The following UGT1A10 variants were observed in gnomAD, a reference collection of about 807,000 sequenced individuals.
UGT1A10 encodes UDP glucuronosyltransferase family 1 member A10, also known as UDP-glucuronosyltransferase 1A10.
UGT1A10 carries 49 observed loss-of-function variants against 45.8 expected under a neutral mutation model. The observed-to-expected ratio is 1.07, with a 90% confidence interval of 0.85 to 1.36. UGT1A10 has a LOEUF of 1.36. UGT1A10 is among the 40% of genes most tolerant of loss of function. UGT1A10 has a pLI of 0.00. For missense variants in UGT1A10, 745 were observed against 668.6 expected, an observed-to-expected ratio of 1.11 and a Z score of -1.26; for synonymous variants, 284 against 249.7, an observed-to-expected ratio of 1.14 and a Z score of -1.29.
intron 1 of UGT1A10, among the ~76,000 whole-genome samples, chr2:233,764,578 C>T (rs146266932): frequency 2.0e-4 from 31 of 152,244 alleles, no homozygotes; most frequent in African/African-American, 6.5e-4. Flanking sequence ...AACTTAGACT[C>T]GGCCTTTTCC....
At chr2:233,771,865 A>G (rs1241166548) in intron 4 of UGT1A10, among the ~76,000 whole-genome samples, 1 of 149,352 alleles carries the variant, frequency 6.7e-6, no homozygotes, top group Non-Finnish European at 1.5e-5. Context: ...GATCAATAAC[A>G]TTTATTAAGA....
At chr2:233,649,696 T>G (rs1336652126) in intron 1 of UGT1A10, among the ~76,000 whole-genome samples, 2 of 152,204 alleles carry the variant, frequency 1.3e-5, no homozygotes, top group Admixed American at 1.3e-4. Flanking sequence ...CAGGTGTTTT[T>G]CTGCTAAAGA....
chr2:233,682,186 G>A, intron 1 of UGT1A10: 1 of 1,614,196 alleles, frequency 6.2e-7, no homozygotes, highest in Non-Finnish European at 8.5e-7. Flanking sequence ...CATACACTCT[G>A]GAGGATCAGG....
At chr2:233,651,235 C>T (rs1212928005) in intron 1 of UGT1A10, among the ~76,000 whole-genome samples, 1 of 152,126 alleles carries the variant, frequency 6.6e-6, no homozygotes, top group African/African-American at 2.4e-5. Flanking sequence ...TCACCCTCTA[C>T]CCAGTTGTGG....
At chr2:233,658,883 A>G (rs897820141) in intron 1 of UGT1A10, among the ~76,000 whole-genome samples, 3 of 152,176 alleles carry the variant, frequency 2.0e-5, no homozygotes, top group African/African-American at 7.2e-5. Flanking sequence ...AATGAGTAGT[A>G]TTAGCTCTCT....
At chr2:233,744,388 A>G (rs1176772242) in intron 1 of UGT1A10, among the ~76,000 whole-genome samples, 1 of 151,864 alleles carries the variant, frequency 6.6e-6, no homozygotes, top group Non-Finnish European at 1.5e-5. Flanking sequence ...CCAACGTTCC[A>G]GCCCCGGTGC....
At chr2:233,694,868 T>C (rs2075244485) in intron 1 of UGT1A10, among the ~76,000 whole-genome samples, 3 of 152,222 alleles carry the variant, frequency 2.0e-5, no homozygotes, top group Non-Finnish European at 4.4e-5. Flanking sequence ...ATAATATAGT[T>C]GTACACATTT....
chr2:233,755,793 G>T (rs1244262397), intron 1 of UGT1A10: 1 of 152,190 alleles, frequency 6.6e-6, no homozygotes, highest in African/African-American at 2.4e-5. Flanking sequence ...CATATGTACT[G>T]CATTAGAGAT....
At position 233,688,626 on chromosome 2, in the gene UGT1A10, G is replaced by A. The variant is rs115592772; in HGVS notation, c.855+51249G>A. On this transcript the variant is annotated intron_variant, in intron 1 of 4. Coordinates refer to ENST00000344644, the MANE Select transcript of UGT1A10 (RefSeq NM_019075.4). ...TAACACCCTCAGCAAACATGAGTTC[G>A]TCTTGTTTTTGTTGGTGTTACAGAA... 5.6e-3 allele frequency among the ~76,000 whole-genome samples: 846 copies of A among 152,204 alleles called. 7 individuals carry two copies. Among genetic ancestry groups the A allele is most frequent in the African/African-American group, 0.019 (799 of 41,536 alleles).
At chr2:233,735,449 C>T (rs1176154761) in intron 1 of UGT1A10, among the ~76,000 whole-genome samples, 6 of 152,110 alleles carry the variant, frequency 3.9e-5, no homozygotes, top group Admixed American at 1.3e-4. Flanking sequence ...ACCGATGGGC[C>T]TTGACTCTTT....
chr2:233,642,766 T>C (rs891924143), intron 1 of UGT1A10, among the ~76,000 whole-genome samples: 2 of 152,246 alleles, frequency 1.3e-5, no homozygotes, highest in African/African-American at 4.8e-5. Context: ...CTTGCAGACT[T>C]GTAGATGTAT....
intron 1 of UGT1A10, chr2:233,747,395 C>CA (rs1422981033): frequency 1.9e-6 from 3 of 1,606,350 alleles, no homozygotes; most frequent in Non-Finnish European, 2.6e-6. Context: ...CGGTGGTCCT[C>CA]ACCCCAGAGG....
chr2:233,767,255 G>T, intron 2 of UGT1A10, 90 bp downstream of exon 2: 2 of 1,596,758 alleles, frequency 1.3e-6, no homozygotes, highest in East Asian at 2.2e-5. Context: ...CTCTTAATTG[G>T]AACCTTAGAT....
chr2:233,701,822 A>G (rs2075654482), intron 1 of UGT1A10, among the ~76,000 whole-genome samples: 1 of 152,190 alleles, frequency 6.6e-6, no homozygotes, highest in Admixed American at 6.5e-5. Context: ...ACATACCAGA[A>G]TCTCTGGGAC....
chr2:233,713,726 G>A (rs1243333945), intron 1 of UGT1A10: 1 of 1,613,960 alleles, frequency 6.2e-7, no homozygotes, highest in Non-Finnish European at 8.5e-7. Flanking sequence ...AGGTGTCAGT[G>A]GTGGATCTTG....
At chr2:233,681,961 C>G in intron 1 of UGT1A10, 1 of 1,613,960 alleles carries the variant, frequency 6.2e-7, no homozygotes, top group Non-Finnish European at 8.5e-7. Flanking sequence ...GGTGGACTGG[C>G]CTCCTTCCCC....
chr2:233,681,941 G>C, intron 1 of UGT1A10: 1 of 1,612,190 alleles, frequency 6.2e-7, no homozygotes, highest in Non-Finnish European at 8.5e-7. Flanking sequence ...TTCTCTGATG[G>C]CTCGTGCAGG....
chr2:233,661,471 T>C lies in UGT1A10; in HGVS notation c.855+24094T>C, dbSNP rs2073961978. On this transcript the variant is annotated intron_variant, in intron 1 of 4. Coordinates refer to ENST00000344644, the MANE Select transcript of UGT1A10 (RefSeq NM_019075.4). Reference sequence around the variant, plus strand: ...ACAGATGGAATCCTAGTTCTTTTTATCCATTAACTCTTTGAATATCCTTCT... The same window carrying C: ...ACAGATGGAATCCTAGTTCTTTTTACCCATTAACTCTTTGAATATCCTTCT... Among the ~76,000 whole-genome samples, 4 of 152,284 alleles carry C rather than the reference T, an allele frequency of 2.6e-5. No homozygotes were observed. In the South Asian group the frequency reaches 8.3e-4, roughly 32 times the overall value.
rs1699515943 is a variant in UGT1A10 at position 233,767,916 on chromosome 2, T to A, written c.1055T>A (p.Leu352Gln). The A allele has an allele frequency of 6.2e-7, 1 of 1,614,242 alleles. No homozygotes were observed. Among genetic ancestry groups the A allele is most frequent in the Non-Finnish European group, 8.5e-7 (1 of 1,180,052 alleles). The stretch of plus-strand genomic sequence containing the variant: ...AACAACACGATACTTGTTAAGTGGC[T>A]ACCCCAAAACGATCTGCTTGGTATG... ...LANNTILVKW[L>Q]PQNDLLGHPM... The change falls in exon 3 of 5, where the codon CTA becomes CAA. Residue 352 changes from leucine (L) to glutamine (Q), a missense_variant. By Grantham distance (113) the Leu-to-Gln change is moderately radical. Coordinates refer to ENST00000344644, the MANE Select transcript of UGT1A10 (RefSeq NM_019075.4).
Sources: gnomAD v4.1 joint callset for allele counts (sites outside exome capture counted in the v4.1 genomes callset) on GRCh38, gnomAD v4.1.1 for gene constraint, MANE v1.5 for transcripts, NCBI Gene and HGNC (gene_info 2026-07-23, HGNC 2026-07-21) for gene names.